SBK1: variants seen among roughly 807,000 people sequenced by gnomAD.
The protein encoded by SBK1 is serine/threonine-protein kinase SBK1.
A neutral mutation model predicts 24.4 loss-of-function variants in SBK1; 11 were observed. The ratio of observed to expected loss-of-function variants is 0.45; its 90% CI spans 0.28 to 0.75. The LOEUF is 0.75. Among genes scored for constraint, SBK1 ranks in the 30% least tolerant of loss-of-function variants. SBK1 has a pLI of 0.12. For synonymous variants in SBK1, 308 were observed against 284.4 expected, an observed-to-expected ratio of 1.08 and a Z score of -0.83; for missense variants, 467 against 620.5, an observed-to-expected ratio of 0.75 and a Z score of 2.63.
In SBK1 at chr16:28,317,621, A is replaced by G. The variant is rs113904302; in HGVS notation, c.226+4A>G. Reference sequence around the variant, plus strand: ...CTGGTGGTCTACAAGGGCACAGGTGAACAAGTGCAGGGTGGCAGGGCTGAG... The same window carrying G: ...CTGGTGGTCTACAAGGGCACAGGTGGACAAGTGCAGGGTGGCAGGGCTGAG... On this transcript the variant is annotated splice_donor_region_variant and intron_variant, in intron 2 of 3. Coordinates refer to ENST00000341901, the MANE Select transcript of SBK1 (RefSeq NM_001024401.3). This position sits in a 1 kb window ranked among gnomAD's most constrained non-coding sequence, Gnocchi z 4.2. 19 of 1,601,896 alleles carry G rather than the reference A, an allele frequency of 1.2e-5. No individual in the cohort carries two copies. The highest frequency in any genetic ancestry group is 5.3e-5 in the African/African-American group (4 of 74,856).
rs547732397 is a variant in SBK1, at chr16:28,304,617, T to G, written c.-8+11317T>G. 6.6e-5 allele frequency among the ~76,000 whole-genome samples: 10 copies of G among 151,188 alleles called. No individual in the cohort carries two copies. In the East Asian group the frequency reaches 1.4e-3, roughly 21 times the overall value. On this transcript the variant is annotated intron_variant, in intron 1 of 3. Transcript: ENST00000341901. Reference sequence around the variant, plus strand: ...ATTTTTTTGTTTGTTTGTTTTTTTGTTTTTTTTTGAGACGGAGTCTTGCTC... The same window carrying G: ...ATTTTTTTGTTTGTTTGTTTTTTTGGTTTTTTTTGAGACGGAGTCTTGCTC...
intron 1 of SBK1, 89 bp downstream of exon 1, chr16:28,293,389 C>A: frequency 1.5e-6 from 1 of 654,518 alleles, no homozygotes; most frequent in Non-Finnish European, 1.9e-6. Flanking sequence ...TCGGGTTGCG[C>A]GCTCCCCCTT....
chr16:28,298,440 C>A (rs2044656272), intron 1 of SBK1, among the ~76,000 whole-genome samples: 1 of 152,210 alleles, frequency 6.6e-6, no homozygotes, highest in Non-Finnish European at 1.5e-5. Flanking sequence ...TTGTGTGAAG[C>A]CAGTGTCTGA....
chr16:28,284,115 T>C (rs2044550378), intron 1 of SBK1, among the ~76,000 whole-genome samples: 1 of 152,220 alleles, frequency 6.6e-6, no homozygotes, highest in Non-Finnish European at 1.5e-5. Flanking sequence ...ACGACGCTTG[T>C]CGCTGTCTTC....
chr16:28,296,930 G>C (rs1025746295), intron 1 of SBK1, among the ~76,000 whole-genome samples: 1 of 152,208 alleles, frequency 6.6e-6, no homozygotes. Context: ...CTGGATGAAA[G>C]CTTCTTGTAG....
rs1395385737 is a variant in SBK1, at chr16:28,320,801, G to A, written c.1155G>A (p.Val385=). The A allele has an allele frequency of 7.0e-7, 1 of 1,438,076 alleles. No individual in the cohort carries two copies. Among genetic ancestry groups the A allele is most frequent in the Non-Finnish European group, 9.1e-7 (1 of 1,093,906 alleles). The allele number at this position is 1,438,076 out of a possible 1,614,324, so 89.1% of individuals were successfully genotyped here. A position where few individuals can be genotyped will look rare whatever the true frequency, so the allele number is the denominator to read the frequency against. ...LPVPVPVPVP[V]PVPVPEPGLA... The stretch of plus-strand genomic sequence containing the variant: ...TGCCGGTGCCGGTGCCAGTGCCCGT[G>A]CCGGTGCCTGTGCCCGAGCCCGGCC... Residue 385 remains valine (V), a synonymous_variant, in exon 4 of 4, where the codon GTG becomes GTA. Coordinates refer to ENST00000341901, the MANE Select transcript of SBK1 (RefSeq NM_001024401.3). This position sits in a 1 kb window ranked among gnomAD's most constrained non-coding sequence, Gnocchi z 8.5.
intron 1 of SBK1, among the ~76,000 whole-genome samples, chr16:28,304,544 T>C (rs1374559403): frequency 1.3e-5 from 2 of 152,186 alleles, no homozygotes; most frequent in Non-Finnish European, 2.9e-5. Flanking sequence ...TGAAGATTGA[T>C]TGACAGCAGC....
At chr16:28,297,646 G>T (rs1029246229) in intron 1 of SBK1, among the ~76,000 whole-genome samples, 1 of 152,184 alleles carries the variant, frequency 6.6e-6, no homozygotes, top group African/African-American at 2.4e-5. Context: ...ATACTATCTT[G>T]TAGGATCATC....
At chr16:28,269,713 C>A (rs368105317) in intron 1 of SBK1, among the ~76,000 whole-genome samples, 32 of 144,150 alleles carry the variant, frequency 2.2e-4, no homozygotes, top group East Asian at 6.3e-4. Flanking sequence ...ACTAAAAATA[C>A]AAAAAAAAAA....
chr16:28,320,886 G>A lies in SBK1; in HGVS notation c.1240G>A (p.Val414Met). 6.6e-7 allele frequency: 1 copy of A among 1,504,506 alleles called. No homozygotes were observed. The highest frequency in any genetic ancestry group is 8.8e-7 in the Non-Finnish European group (1 of 1,131,730). The allele number at this position is 1,504,506 out of a possible 1,614,324, so 93.2% of individuals were successfully genotyped here. The change falls in exon 4 of 4, where the codon GTG (valine) becomes ATG (methionine). Residue 414 changes from valine to methionine, a missense_variant. By Grantham distance (21) the Val-to-Met change is conservative. Coordinates refer to ENST00000341901, the MANE Select transcript of SBK1 (RefSeq NM_001024401.3). The surrounding 1 kb of genome is among the most constrained non-coding windows in gnomAD (Gnocchi z 8.5). The stretch of plus-strand genomic sequence containing the variant: ...CCGCGCGGACAAGAGCAAAGGGCAG[G>A]TGGTGCTGGCCACGGCCATCGAGAT... Reference protein sequence around the residue: ...DGRADKSKGQVVLATAIEICV With the variant: ...DGRADKSKGQMVLATAIEICV
At chr16:28,318,912 G>A (rs1367318028) in intron 2 of SBK1, 83 bp from the exon 3 acceptor site, 1 of 985,398 alleles carries the variant, frequency 1.0e-6, no homozygotes, top group East Asian at 2.4e-5. Context: ...TGTTGCACCA[G>A]GGTCCAGAGA....
At position 28,293,236 on chromosome 16, in the gene SBK1, G is replaced by A. The variant is rs949251914; in HGVS notation, c.-72G>A. ...CGTGGCGCCCTGAGCCCCCGGGGCC[G>A]GGCAGACGAAGACCGCGACGGCGCC... On this transcript the variant is annotated 5_prime_UTR_variant, in exon 1 of 4. Coordinates refer to ENST00000341901, the MANE Select transcript of SBK1 (RefSeq NM_001024401.3). The A allele has an allele frequency of 2.1e-5, 21 of 985,336 alleles. No homozygotes were observed. The Admixed American group carries it at 9.8e-4, about 46-fold the overall frequency. 61.0% of individuals were successfully genotyped at this position (985,336 alleles called of 1,614,324 possible).
At chr16:28,315,383 T>C (rs1172825010) in intron 1 of SBK1, among the ~76,000 whole-genome samples, 1 of 152,012 alleles carries the variant, frequency 6.6e-6, no homozygotes, top group Non-Finnish European at 1.5e-5. Flanking sequence ...TATACCTCAA[T>C]AAAACTAGAA....
chr16:28,301,605 C>T (rs1434291626), intron 1 of SBK1, among the ~76,000 whole-genome samples: 1 of 152,212 alleles, frequency 6.6e-6, no homozygotes, highest in Non-Finnish European at 1.5e-5. Flanking sequence ...GGGATCCCTA[C>T]AGTGCCTTCT....
At chr16:28,277,031 G>C (rs1338141021) in intron 1 of SBK1, among the ~76,000 whole-genome samples, 2 of 151,970 alleles carry the variant, frequency 1.3e-5, no homozygotes, top group African/African-American at 4.8e-5. Flanking sequence ...GCAGAGCAGA[G>C]GGGGGAGTGC....
At chr16:28,265,815 A>G (rs2044424473) in intron 1 of SBK1, among the ~76,000 whole-genome samples, 2 of 151,814 alleles carry the variant, frequency 1.3e-5, no homozygotes, top group Admixed American at 1.3e-4. Context: ...CTCTACTAAA[A>G]ATACAAAAAT....
chr16:28,317,286 C>A lies in SBK1; in HGVS notation c.-7-99C>A. On this transcript the variant is annotated intron_variant, in intron 1 of 3. Transcript: ENST00000341901. This position sits in a 1 kb window ranked among gnomAD's most constrained non-coding sequence, Gnocchi z 4.2. Reference sequence around the variant, plus strand: ...GTTATCTTGGGCCTGGCATCCGGGCCCATCCTCAAGTTTTCTGGGTTCTGG... The same window carrying A: ...GTTATCTTGGGCCTGGCATCCGGGCACATCCTCAAGTTTTCTGGGTTCTGG... 1 of 859,020 alleles carries A rather than the reference C, an allele frequency of 1.2e-6. No individual in the cohort carries two copies. Among genetic ancestry groups the A allele is most frequent in the South Asian group, 1.6e-5 (1 of 63,376 alleles). The allele number at this position is 859,020 out of a possible 1,614,324, so 53.2% of individuals were successfully genotyped here.
At chr16:28,272,532 T>G (rs1037763764) in intron 1 of SBK1, among the ~76,000 whole-genome samples, 17 of 152,164 alleles carry the variant, frequency 1.1e-4, no homozygotes, top group Non-Finnish European at 2.4e-4. Flanking sequence ...ATGAGATATG[T>G]GTCCTTCTGT....
chr16:28,292,085 TCC>T (rs1332547805), upstream of SBK1: 5 of 151,798 alleles, frequency 3.3e-5, no homozygotes, highest in African/African-American at 1.2e-4. Context: ...GGATTTGTTT[TCC>T]CTCCTTCAAA....
Sources: gnomAD v4.1 joint callset for allele counts (sites outside exome capture counted in the v4.1 genomes callset) on GRCh38, gnomAD v4.1.1 for gene constraint, Gnocchi (gnomAD v3.1) non-coding constraint, MANE v1.5 for transcripts, NCBI Gene and HGNC (gene_info 2026-07-23, HGNC 2026-07-21) for gene names.